THSD4: variants seen among roughly 807,000 people sequenced by gnomAD.
The protein encoded by THSD4 is thrombospondin type-1 domain-containing protein 4.
THSD4 carries 69 observed loss-of-function variants against 119.0 expected under a neutral mutation model. That is an observed-to-expected ratio of 0.58 (90% confidence interval 0.48 to 0.71). The LOEUF (loss-of-function observed/expected upper bound fraction) is 0.71. Among genes scored for constraint, THSD4 ranks in the 30% least tolerant of loss-of-function variants. The pLI, the probability that THSD4 is intolerant of heterozygous loss-of-function variation, is 0.00. For synonymous variants in THSD4, 524 were observed against 540.4 expected (o/e 0.97, Z 0.42); for missense variants, 1,393 against 1,391.1 (o/e 1.00, Z -0.02).
chr15:71,580,571 C>T (rs778651959), intron 7 of THSD4, among the ~76,000 whole-genome samples: 9 of 152,108 alleles, frequency 5.9e-5, no homozygotes, highest in South Asian at 2.1e-4. Context: ...TACATTAGAT[C>T]TTCAGAAATT....
In THSD4 at chr15:71,681,603, G is replaced by A. The variant is rs528741827; in HGVS notation, c.1357+20869G>A. 2.0e-5 allele frequency among the ~76,000 whole-genome samples: 3 copies of A among 151,876 alleles called. No individual in the cohort carries two copies. In the South Asian group the frequency reaches 6.3e-4, roughly 32 times the overall value. ...GGCGGCAGAATCGATTGAACCGGGGGGGTGGAGGTTGCAGTGAGCCAAGAT... is the reference window on the plus strand; with the variant it reads ...GGCGGCAGAATCGATTGAACCGGGGAGGTGGAGGTTGCAGTGAGCCAAGAT... On this transcript the variant is annotated intron_variant, in intron 8 of 17. Transcript: ENST00000261862.
intron 7 of THSD4, among the ~76,000 whole-genome samples, chr15:71,565,061 T>C (rs1389690180): frequency 6.6e-6 from 1 of 152,114 alleles, no homozygotes; most frequent in African/African-American, 2.4e-5. Flanking sequence ...AAGAACACCT[T>C]AGGTTTTTAA....
chr15:71,278,762 C>A (rs2044619941), intron 6 of THSD4, among the ~76,000 whole-genome samples: 2 of 152,146 alleles, frequency 1.3e-5, no homozygotes, highest in African/African-American at 4.8e-5. Context: ...GCTAGGCAGA[C>A]AAACCTTGTC....
chr15:71,628,539 T>C (rs1363937411), intron 7 of THSD4, among the ~76,000 whole-genome samples: 1 of 152,182 alleles, frequency 6.6e-6, no homozygotes, highest in Non-Finnish European at 1.5e-5. Context: ...TTGGGACGCA[T>C]ACACGAGTCC....
At chr15:71,261,042 C>T (rs186794292) in intron 6 of THSD4, among the ~76,000 whole-genome samples, 24 of 152,286 alleles carry the variant, frequency 1.6e-4, no homozygotes, top group Admixed American at 2.6e-4. Flanking sequence ...GCAGAGGTTG[C>T]GGTGAGCCGA....
intron 8 of THSD4, among the ~76,000 whole-genome samples, chr15:71,711,169 G>A (rs1381245118): frequency 6.7e-6 from 1 of 150,298 alleles, no homozygotes; most frequent in African/African-American, 2.4e-5. Context: ...AACATAAATA[G>A]GGGAGACTTG....
In THSD4 at chr15:71,343,379, A is replaced by G. The variant is rs189068951; in HGVS notation, c.1016-68308A>G. Among the ~76,000 whole-genome samples, 369 of 152,350 alleles carry G rather than the reference A, an allele frequency of 2.4e-3. 1 individual carries two copies. The highest frequency in any genetic ancestry group is 8.7e-3 in the African/African-American group (360 of 41,582). On this transcript the variant is annotated intron_variant, in intron 6 of 17. Transcript: ENST00000261862. Reference sequence around the variant, plus strand: ...GCTGTATTAGTTTCCAGGGTATGCCATGACAGATGACTGTAAAGTTAGTGG... The same window carrying G: ...GCTGTATTAGTTTCCAGGGTATGCCGTGACAGATGACTGTAAAGTTAGTGG...
intron 5 of THSD4, among the ~76,000 whole-genome samples, chr15:71,251,942 C>T (rs574733015): frequency 6.6e-6 from 1 of 152,274 alleles, no homozygotes; most frequent in Admixed American, 6.5e-5. Context: ...TATAAGGATT[C>T]AGCTAATCAT....
At chr15:71,667,312 TA>T (rs1246717100) in intron 8 of THSD4, among the ~76,000 whole-genome samples, 1 of 152,236 alleles carries the variant, frequency 6.6e-6, no homozygotes, top group Non-Finnish European at 1.5e-5. Context: ...TTTTTCTTAA[TA>T]AAAGATATTG....
intron 3 of THSD4, among the ~76,000 whole-genome samples, chr15:71,195,465 G>T (rs951840215): frequency 5.3e-5 from 8 of 152,250 alleles, no homozygotes; most frequent in African/African-American, 1.7e-4. Context: ...GAATGAATGA[G>T]GTTTTCTGAC....
At chr15:71,374,393 A>C (rs1188619100) in intron 6 of THSD4, among the ~76,000 whole-genome samples, 1 of 152,294 alleles carries the variant, frequency 6.6e-6, no homozygotes, top group African/African-American at 2.4e-5. Context: ...TCAGCAAGTG[A>C]GTATCTGTTA....
intron 8 of THSD4, among the ~76,000 whole-genome samples, chr15:71,686,974 CA>C (rs1434300462): frequency 2.0e-5 from 3 of 152,156 alleles, no homozygotes; most frequent in Non-Finnish European, 2.9e-5. Flanking sequence ...TCTCAGTCAA[CA>C]CTAGTTGACC....
At chr15:71,511,416 G>A (rs780177830) in intron 7 of THSD4, among the ~76,000 whole-genome samples, 9 of 152,268 alleles carry the variant, frequency 5.9e-5, no homozygotes, top group Non-Finnish European at 1.0e-4. Context: ...AAAGGCCAAG[G>A]TGTTCACTCT....
chr15:71,569,520 CAA>C (rs1379603946), intron 7 of THSD4, among the ~76,000 whole-genome samples: 3 of 151,884 alleles, frequency 2.0e-5, no homozygotes, highest in Admixed American at 6.6e-5. Flanking sequence ...TACAAGAAAA[CAA>C]ATAAGGGAGG....
chr15:71,355,014 G>C (rs186999075), intron 6 of THSD4, among the ~76,000 whole-genome samples: 1 of 152,298 alleles, frequency 6.6e-6, no homozygotes, highest in East Asian at 1.9e-4. Flanking sequence ...TAACCCCAGG[G>C]AATCCTGTTG....
intron 3 of THSD4, among the ~76,000 whole-genome samples, chr15:71,161,348 T>C (rs1489970351): frequency 6.6e-6 from 1 of 152,116 alleles, no homozygotes; most frequent in African/African-American, 2.4e-5. Flanking sequence ...AAGTGGGGTG[T>C]TGAAGCCCCC....
chr15:71,399,620 G>T (rs2046497738), intron 6 of THSD4, among the ~76,000 whole-genome samples: 1 of 152,186 alleles, frequency 6.6e-6, no homozygotes, highest in Non-Finnish European at 1.5e-5. Flanking sequence ...TAGTAGGCTG[G>T]TTACAAGCGA....
chr15:71,380,932 G>A (rs74021974), intron 6 of THSD4, among the ~76,000 whole-genome samples: 7,304 of 151,984 alleles, frequency 0.048, 201 homozygotes, highest in African/African-American at 0.075. Context: ...GTTTATTGCC[G>A]TCCCATTGAG....
chr15:71,104,485 C>T (rs1167449157), intron 1 of THSD4, among the ~76,000 whole-genome samples: 2 of 152,312 alleles, frequency 1.3e-5, no homozygotes, highest in Middle Eastern at 3.4e-3. Context: ...TTCTCAGTCT[C>T]ACAAGATTGC....
Sources: gnomAD v4.1 joint callset for allele counts (sites outside exome capture counted in the v4.1 genomes callset) on GRCh38, gnomAD v4.1.1 for gene constraint, MANE v1.5 for transcripts, NCBI Gene and HGNC (gene_info 2026-07-23, HGNC 2026-07-21) for gene names.